The following MFHAS1 variants were observed in gnomAD, a reference collection of about 807,000 sequenced individuals.
MFHAS1 encodes malignant fibrous histiocytoma-amplified sequence 1.
In MFHAS1, 50 loss-of-function variants were observed where a neutral mutation model predicts 70.4. The ratio of observed to expected loss-of-function variants is 0.71; its 90% CI spans 0.57 to 0.90. The LOEUF (loss-of-function observed/expected upper bound fraction) is 0.90, where lower values mean the gene tolerates loss of function less well. MFHAS1 is among the 40% of genes least tolerant of loss of function. MFHAS1 has a pLI of 0.00. For missense variants in MFHAS1, 1,795 were observed against 1,347.6 expected, an observed-to-expected ratio of 1.33 and a Z score of -5.20; for synonymous variants, 952 against 620.0, an observed-to-expected ratio of 1.54 and a Z score of -7.96.
chr8:8,795,101 G>A (rs1269833824), intron 2 of MFHAS1, among the ~76,000 whole-genome samples: 1 of 152,076 alleles, frequency 6.6e-6, no homozygotes, highest in East Asian at 1.9e-4. Flanking sequence ...TCTTGGCTCT[G>A]GAAAGTTTAC....
At position 8,892,478 on chromosome 8, in the gene MFHAS1, G is replaced by C. The variant is rs1810103920; in HGVS notation, c.581C>G (p.Thr194Ser). ...RTLDVDHNQL[T>S]AFPRQLLQLV... ...CTGCAGCAGCTGCCGGGGGAAGGCAGTGAGCTGGTTGTGATCCACGTCCAG... is the reference window on the plus strand; with the variant it reads ...CTGCAGCAGCTGCCGGGGGAAGGCACTGAGCTGGTTGTGATCCACGTCCAG... Residue 194 changes from threonine to serine, a missense_variant, in exon 1 of 3, where the codon ACT becomes AGT. Thr to Ser is a moderately conservative substitution (Grantham distance 58). Coordinates refer to ENST00000276282, the MANE Select transcript of MFHAS1 (RefSeq NM_004225.3). The surrounding 1 kb of genome is among the most constrained non-coding windows in gnomAD (Gnocchi z 4.7). 6 of 1,607,404 alleles carry C rather than the reference G, an allele frequency of 3.7e-6. No individual in the cohort carries two copies. Among genetic ancestry groups the C allele is most frequent in the East Asian group, 2.2e-5 (1 of 44,592 alleles).
intron 1 of MFHAS1, among the ~76,000 whole-genome samples, chr8:8,829,711 T>C (rs1049450724): frequency 1.3e-5 from 2 of 152,024 alleles, no homozygotes; most frequent in Non-Finnish European, 2.9e-5. Context: ...GCGAGATCTT[T>C]GAGAAAGGAG....
At chr8:8,816,984 A>T (rs1446751686) in intron 1 of MFHAS1, among the ~76,000 whole-genome samples, 1 of 152,206 alleles carries the variant, frequency 6.6e-6, no homozygotes, top group Non-Finnish European at 1.5e-5. Context: ...AGGTTCAGAG[A>T]ACTGTAACTT....
Position 8,852,534 on chromosome 8 carries a change from G to A in MFHAS1, c.2998+37527C>T, listed in dbSNP as rs182391089. On this transcript the variant is annotated intron_variant, in intron 1 of 2. Coordinates refer to ENST00000276282, the MANE Select transcript of MFHAS1 (RefSeq NM_004225.3). The stretch of plus-strand genomic sequence containing the variant: ...ACACCCACAAGAGGGTTTAGACCTG[G>A]TGCCTGCTGGTTTCAGCCACTCTAA... Among the ~76,000 whole-genome samples the A allele has an allele frequency of 1.5e-3, 226 of 152,080 alleles. 1 individual carries two copies. The highest frequency in any genetic ancestry group is 1.7e-3 in the Non-Finnish European group (115 of 67,984).
intron 1 of MFHAS1, among the ~76,000 whole-genome samples, chr8:8,853,212 C>T (rs1808310445): frequency 6.6e-6 from 1 of 151,894 alleles, no homozygotes; most frequent in African/African-American, 2.4e-5. Flanking sequence ...CTCACATACC[C>T]CCCAAAAAAA....
intron 1 of MFHAS1, among the ~76,000 whole-genome samples, chr8:8,861,385 CAG>C (rs1808655314): frequency 6.6e-6 from 1 of 152,142 alleles, no homozygotes; most frequent in Non-Finnish European, 1.5e-5. Flanking sequence ...TTCAGTCTAA[CAG>C]AATATAATCA....
intron 1 of MFHAS1, among the ~76,000 whole-genome samples, chr8:8,873,593 C>T (rs538633227): frequency 4.7e-4 from 71 of 151,562 alleles, no homozygotes; most frequent in African/African-American, 1.7e-3. Flanking sequence ...ATTTTAAATT[C>T]CCACTTGGTA....
chr8:8,862,693 G>T (rs1244988040), intron 1 of MFHAS1, among the ~76,000 whole-genome samples: 1 of 152,144 alleles, frequency 6.6e-6, no homozygotes, highest in Admixed American at 6.5e-5. Flanking sequence ...AACACTAAGA[G>T]TGAACCCTAC....
chr8:8,843,023 T>A (rs1356625787), intron 1 of MFHAS1, among the ~76,000 whole-genome samples: 1 of 150,578 alleles, frequency 6.6e-6, no homozygotes, highest in Admixed American at 6.6e-5. Flanking sequence ...CCCAGCACTT[T>A]GGGAGGCCGA....
chr8:8,816,693 CTAA>C (rs1806760199), intron 1 of MFHAS1, among the ~76,000 whole-genome samples: 1 of 152,158 alleles, frequency 6.6e-6, no homozygotes, highest in Non-Finnish European at 1.5e-5. Context: ...TAGATGCTAT[CTAA>C]TAATAATTGG....
intron 1 of MFHAS1, among the ~76,000 whole-genome samples, chr8:8,817,790 C>T (rs891195694): frequency 6.6e-6 from 1 of 152,228 alleles, no homozygotes; most frequent in Non-Finnish European, 1.5e-5. Flanking sequence ...GGATCCCTAG[C>T]ATGCAGAATT....
intron 1 of MFHAS1, among the ~76,000 whole-genome samples, chr8:8,834,078 A>G (rs1463447128): frequency 2.0e-5 from 3 of 152,036 alleles, no homozygotes; most frequent in African/African-American, 7.2e-5. Flanking sequence ...GTGAGCCAAG[A>G]TCGTGCCACT....
At chr8:8,814,475 G>C (rs1056456700) in intron 1 of MFHAS1, among the ~76,000 whole-genome samples, 2 of 152,144 alleles carry the variant, frequency 1.3e-5, no homozygotes. Flanking sequence ...GCCCAAGGGT[G>C]CGTTTCTCAG....
At chr8:8,843,932 A>T (rs1013559237) in intron 1 of MFHAS1, among the ~76,000 whole-genome samples, 5 of 152,250 alleles carry the variant, frequency 3.3e-5, no homozygotes, top group Admixed American at 6.5e-5. Flanking sequence ...AAATATTAAA[A>T]AATAGCAGAA....
Position 8,891,144 on chromosome 8 carries a change from G to A in MFHAS1, c.1915C>T (p.Arg639Trp). The A allele has an allele frequency of 1.2e-6, 2 of 1,613,708 alleles. No individual in the cohort carries two copies. Among genetic ancestry groups the A allele is most frequent in the South Asian group, 1.1e-5 (1 of 91,088 alleles). Residue 639 changes from arginine to tryptophan, a missense_variant, in exon 1 of 3, where the codon CGG (arginine) becomes TGG (tryptophan). By Grantham distance (101) the Arg-to-Trp change is moderately radical. Transcript: ENST00000276282. This position sits in a 1 kb window ranked among gnomAD's most constrained non-coding sequence, Gnocchi z 5.4. ...TCAGCAACTGACAGCAACTTGTCCC[G>A]AAGGCGTCGTAAGTGGCGCGGGTCC... ...CRDPRHLRRL[R>W]DKLLSVAEHR...
chr8:8,793,120 G>C (rs1206304870), intron 2 of MFHAS1, among the ~76,000 whole-genome samples: 3 of 151,870 alleles, frequency 2.0e-5, no homozygotes, highest in Non-Finnish European at 2.9e-5. Context: ...CGCTGGTGGA[G>C]ACCTCAACCA....
At chr8:8,889,796 G>A (rs145534747) in intron 1 of MFHAS1, among the ~76,000 whole-genome samples, 50 of 152,262 alleles carry the variant, frequency 3.3e-4, no homozygotes, top group African/African-American at 1.2e-3. Flanking sequence ...TCGACAAGAG[G>A]GGAAAGGAGA....
chr8:8,809,712 G>T (rs141252221), intron 1 of MFHAS1, among the ~76,000 whole-genome samples: 15 of 152,332 alleles, frequency 9.8e-5, no homozygotes, highest in Non-Finnish European at 2.2e-4. Context: ...GACAGTTGGG[G>T]AGAGGGGGAG....
chr8:8,892,953 C>G lies in MFHAS1; in HGVS notation c.106G>C (p.Ala36Pro), dbSNP rs760319841. Reference protein sequence around the residue: ...RSNLRQLTLTAAGACPGAGAD... With the variant: ...RSNLRQLTLTPAGACPGAGAD... ...CCGGCCCCGGGGCAGGCCCCGGCGG[C>G]GGTAAGCGTGAGCTGGCGCAGGTTG... is the stretch of plus-strand genomic sequence containing the variant. Residue 36 changes from alanine (A) to proline (P), a missense_variant, in exon 1 of 3, where the codon GCC becomes CCC. Physicochemically the swap from Ala to Pro is conservative, Grantham distance 27. Transcript: ENST00000276282. The surrounding 1 kb of genome is among the most constrained non-coding windows in gnomAD (Gnocchi z 4.7). The G allele has an allele frequency of 6.5e-7, 1 of 1,544,844 alleles. No homozygotes were observed.
Sources: gnomAD v4.1 joint callset for allele counts (sites outside exome capture counted in the v4.1 genomes callset) on GRCh38, gnomAD v4.1.1 for gene constraint, Gnocchi (gnomAD v3.1) non-coding constraint, MANE v1.5 for transcripts, NCBI Gene and HGNC (gene_info 2026-07-23, HGNC 2026-07-21) for gene names.